Variants in LTBP3 observed in about 807,000 individuals in gnomAD.
The protein encoded by LTBP3 is latent-transforming growth factor beta-binding protein 3.
LTBP3 carries 97 observed loss-of-function variants against 159.7 expected under a neutral mutation model. The ratio of observed to expected loss-of-function variants is 0.61; its 90% CI spans 0.52 to 0.72. The LOEUF (loss-of-function observed/expected upper bound fraction) is 0.72, where lower values mean the gene tolerates loss of function less well. LTBP3 is among the 30% of genes least tolerant of loss of function. LTBP3 has a pLI of 0.00. For missense variants in LTBP3, 1,584 were observed against 1,864.3 expected (o/e 0.85, Z 2.77); for synonymous variants, 824 against 777.1 (o/e 1.06, Z -1.00).
rs1188496853 is a variant in LTBP3, at chr11:65,547,062, T to TA, written c.2108-143dup. ...CCTCTGAGAGGCCCAGAGCCGAGCA[T>TA]ACAGGCCGGGTGCGGTGGCACACGG... On this transcript the variant is annotated intron_variant, in intron 14 of 27. Coordinates refer to ENST00000301873, the MANE Select transcript of LTBP3 (RefSeq NM_001130144.3). This position sits in a 1 kb window ranked among gnomAD's most constrained non-coding sequence, Gnocchi z 4.6. 6.4e-6 allele frequency: 8 copies of TA among 1,258,450 alleles called. No homozygotes were observed. Among genetic ancestry groups the TA allele is most frequent in the Non-Finnish European group, 8.7e-6 (8 of 914,690 alleles). The allele number at this position is 1,258,450 out of a possible 1,614,324, so 78.0% of individuals were successfully genotyped here. A position where few individuals can be genotyped will look rare whatever the true frequency, so the allele number is the denominator to read the frequency against.
Position 65,552,349 on chromosome 11 carries a change from C to T in LTBP3, c.1244G>A (p.Cys415Tyr). The change falls in exon 7 of 28, where the codon TGC becomes TAC. Residue 415 changes from cysteine (C) to tyrosine (Y), a missense_variant. Physicochemically the swap from Cys to Tyr is radical, Grantham distance 194 (BLOSUM62 -2). Around this residue, in one of 6 missense-constraint regions of LTBP3, gnomAD observed 156 missense variants for 259.7 expected, o/e 0.60. Transcript: ENST00000301873. This position sits in a 1 kb window ranked among gnomAD's most constrained non-coding sequence, Gnocchi z 6.0. The part of the protein sequence containing the change: ...CFRLVSPEHQ[C>Y]QHPLTTRLTR... ...CAGGCGGGTGGTCAGTGGGTGCTGG[C>T]ACTGGTGCTCAGGGCTCACCAGGCG... The T allele has an allele frequency of 6.2e-7, 1 of 1,614,026 alleles. No individual in the cohort carries two copies. Among genetic ancestry groups the T allele is most frequent in the Non-Finnish European group, 8.5e-7 (1 of 1,179,992 alleles).
Position 65,546,643 on chromosome 11 carries a change from C to A in LTBP3, c.2231-79G>T. The A allele has an allele frequency of 6.3e-7, 1 of 1,586,844 alleles. No individual in the cohort carries two copies. Among genetic ancestry groups the A allele is most frequent in the Non-Finnish European group, 8.5e-7 (1 of 1,174,612 alleles). ...CACCTCGCGGGGGTGTGGGTCTCTT[C>A]CCTGGAACGCGGGGTTGAGAGGGCA... On this transcript the variant is annotated intron_variant, in intron 15 of 27. Coordinates refer to ENST00000301873, the MANE Select transcript of LTBP3 (RefSeq NM_001130144.3). This position sits in a 1 kb window ranked among gnomAD's most constrained non-coding sequence, Gnocchi z 4.0.
rs1335908921 is a variant in LTBP3, at chr11:65,540,068, C to A, written c.3330G>T (p.Pro1110=). ...GGCCGGAGGGCCCGGGCACCCAGGG[C>A]GGGCGACACTCGCAGCGGTAGGAGC... ...LPGSYRCECR[P]PWVPGPSGRD... is the part of the protein sequence containing the mutation. Residue 1110 remains proline (P), a synonymous_variant, in exon 24 of 28, where the codon CCG becomes CCT. Coordinates refer to ENST00000301873, the MANE Select transcript of LTBP3 (RefSeq NM_001130144.3). 1.3e-6 allele frequency: 2 copies of A among 1,524,272 alleles called. No individual in the cohort carries two copies. The highest frequency in any genetic ancestry group is 2.8e-5 in the African/African-American group (2 of 71,822). 94.4% of individuals were successfully genotyped at this position (1,524,272 alleles called of 1,614,324 possible). A position where few individuals can be genotyped will look rare whatever the true frequency, so the allele number is the denominator to read the frequency against.
At position 65,554,480 on chromosome 11, in the gene LTBP3, A is replaced by G. The variant is rs1856735285; in HGVS notation, c.332-100T>C. On this transcript the variant is annotated intron_variant, in intron 1 of 27. Coordinates refer to ENST00000301873, the MANE Select transcript of LTBP3 (RefSeq NM_001130144.3). This position sits in a 1 kb window ranked among gnomAD's most constrained non-coding sequence, Gnocchi z 5.3. ...ACTGGCTCTGTCCTCTTGGGAAGCC[A>G]GGTTTTGAGATACATCCTACATAGG... 1.1e-6 allele frequency: 1 copy of G among 922,360 alleles called. No homozygotes were observed. Among genetic ancestry groups the G allele is most frequent in the Admixed American group, 2.5e-5 (1 of 40,126 alleles). The allele number at this position is 922,360 out of a possible 1,614,324, so 57.1% of individuals were successfully genotyped here. A position where few individuals can be genotyped will look rare whatever the true frequency, so the allele number is the denominator to read the frequency against.
At position 65,547,491 on chromosome 11, in the gene LTBP3, G is replaced by C. The variant is rs1208038518; in HGVS notation, c.2055C>G (p.Cys685Trp). 2 of 1,614,024 alleles carry C rather than the reference G, an allele frequency of 1.2e-6. No homozygotes were observed. The highest frequency in any genetic ancestry group is 1.7e-6 in the Non-Finnish European group (2 of 1,180,012). ...FCINFPGHYK[C>W]NCYPGYRLKA... ...TGAGCCGGTAGCCGGGGTAGCAGTT[G>C]CACTTGTAGTGACCGGGAAAGTTGA... The change falls in exon 14 of 28, where the codon TGC becomes TGG. Residue 685 changes from cysteine to tryptophan, a missense_variant. Coordinates refer to ENST00000301873, the MANE Select transcript of LTBP3 (RefSeq NM_001130144.3). The surrounding 1 kb of genome is among the most constrained non-coding windows in gnomAD (Gnocchi z 4.6).
In LTBP3 at chr11:65,551,993, C is replaced by T. The variant is rs1446463644; in HGVS notation, c.1510G>A (p.Glu504Lys). 2 of 1,614,046 alleles carry T rather than the reference C, an allele frequency of 1.2e-6. No homozygotes were observed. Among genetic ancestry groups the T allele is most frequent in the East Asian group, 2.2e-5 (1 of 44,872 alleles). ...PESPSQAPPPEDTEEERGVTT... is the reference protein window; with the variant it reads ...PESPSQAPPPKDTEEERGVTT... ...AGACCTCTCTCTTCCTCTGTGTCCT[C>T]AGGTGGTGGAGCCTGGCTAGGGCTC... Residue 504 changes from glutamate to lysine, a missense_variant, in exon 8 of 28, where the codon GAG (glutamate) becomes AAG (lysine). By Grantham distance (56) the Glu-to-Lys change is moderately conservative (BLOSUM62 1). Coordinates refer to ENST00000301873, the MANE Select transcript of LTBP3 (RefSeq NM_001130144.3).
intron 10 of LTBP3, 47 bp from the exon 11 acceptor site, chr11:65,551,271 C>T (rs1486528211): frequency 6.6e-7 from 1 of 1,524,902 alleles, no homozygotes; most frequent in East Asian, 2.4e-5. Context: ...TGACTGAAGC[C>T]TCCCTTTCCA....
Position 65,540,079 on chromosome 11 carries a change from C to G in LTBP3, c.3319G>C (p.Glu1107Gln). 1 of 1,525,282 alleles carries G rather than the reference C, an allele frequency of 6.6e-7. No individual in the cohort carries two copies. Among genetic ancestry groups the G allele is most frequent in the Non-Finnish European group, 8.8e-7 (1 of 1,141,550 alleles). The allele number at this position is 1,525,282 out of a possible 1,614,324, so 94.5% of individuals were successfully genotyped here. The stretch of plus-strand genomic sequence containing the variant: ...CCGGGCACCCAGGGCGGGCGACACT[C>G]GCAGCGGTAGGAGCCCGGCAGGTTG... ...CVNLPGSYRC[E>Q]CRPPWVPGPS... Residue 1107 changes from glutamate to glutamine, a missense_variant, in exon 24 of 28, where the codon GAG becomes CAG. Coordinates refer to ENST00000301873, the MANE Select transcript of LTBP3 (RefSeq NM_001130144.3).
intron 1 of LTBP3, among the ~76,000 whole-genome samples, chr11:65,555,054 C>G (rs1856760200): frequency 6.6e-6 from 1 of 152,026 alleles, no homozygotes; most frequent in Non-Finnish European, 1.5e-5. Flanking sequence ...CACCAGGCAT[C>G]CACAGCTGAG....
intron 21 of LTBP3, 65 bp downstream of exon 21, chr11:65,540,806 G>C (rs1003105861): frequency 6.5e-7 from 1 of 1,539,422 alleles, no homozygotes; most frequent in Non-Finnish European, 8.8e-7. Context: ...GAGTCCCGGC[G>C]GGATCCGGGC....
Position 65,557,779 on chromosome 11 carries a change from G to T in LTBP3, c.181C>A (p.Arg61Ser). ...ACCGGCGCAAAGACCACCTTGAAGC[G>T]CTCGCGGGCCAGCGCCCCGCCCCCG... The part of the protein sequence containing the change: ...AGGGGALARE[R>S]FKVVFAPVIC... The change falls in exon 1 of 28, where the codon CGC becomes AGC. Residue 61 changes from arginine (R) to serine (S), a missense_variant. Around this residue, in one of 6 missense-constraint regions of LTBP3, gnomAD observed 76 missense variants for 133.3 expected, o/e 0.57. Transcript: ENST00000301873. 6.3e-7 allele frequency: 1 copy of T among 1,595,352 alleles called. No individual in the cohort carries two copies. The highest frequency in any genetic ancestry group is 1.1e-5 in the South Asian group (1 of 90,362).
Position 65,553,438 on chromosome 11 carries a change from A to G in LTBP3, c.957T>C (p.Cys319=). ...TAWGQSKCHK[C]PQLQYTGVQK... is the part of the protein sequence containing the mutation. ...CCAAGCACTCACACTGCAGCTGGGGACACTTGTGGCACTTGCTCTGGCCCC... is the reference window on the plus strand; with the variant it reads ...CCAAGCACTCACACTGCAGCTGGGGGCACTTGTGGCACTTGCTCTGGCCCC... The change falls in exon 4 of 28, where the codon TGT becomes TGC. Residue 319 remains cysteine, a synonymous_variant. Transcript: ENST00000301873. This position sits in a 1 kb window ranked among gnomAD's most constrained non-coding sequence, Gnocchi z 6.5. 1 of 1,612,072 alleles carries G rather than the reference A, an allele frequency of 6.2e-7. No individual in the cohort carries two copies. The highest frequency in any genetic ancestry group is 8.5e-7 in the Non-Finnish European group (1 of 1,179,816).
At position 65,546,818 on chromosome 11, in the gene LTBP3, T is replaced by C. The variant is rs764038242; in HGVS notation, c.2210A>G (p.Gln737Arg). 3.8e-6 allele frequency: 6 copies of C among 1,579,680 alleles called. No homozygotes were observed. Among genetic ancestry groups the C allele is most frequent in the East Asian group, 2.3e-5 (1 of 43,174 alleles). Reference protein sequence around the residue: ...CIACQPGYRSQGGGACRDVNE... With the variant: ...CIACQPGYRSRGGGACRDVNE... ...CTCACCGCGACAGGCCCCGCCCCCCTGGCTGCGGTAGCCAGGCTGACAGGC... is the reference window on the plus strand; with the variant it reads ...CTCACCGCGACAGGCCCCGCCCCCCCGGCTGCGGTAGCCAGGCTGACAGGC... Residue 737 changes from glutamine (Q) to arginine (R), a missense_variant, in exon 15 of 28, where the codon CAG becomes CGG. Gln to Arg is a conservative substitution (Grantham distance 43). Transcript: ENST00000301873. This position sits in a 1 kb window ranked among gnomAD's most constrained non-coding sequence, Gnocchi z 4.0.
intron 1 of LTBP3, among the ~76,000 whole-genome samples, chr11:65,555,020 C>T (rs956197028): frequency 2.6e-5 from 4 of 152,074 alleles, no homozygotes; most frequent in African/African-American, 9.7e-5. Flanking sequence ...AGCATCCTGC[C>T]TCCCCACCTC....
Position 65,546,588 on chromosome 11 carries a change from G to C in LTBP3, c.2231-24C>G, listed in dbSNP as rs1255024186. 5 of 1,600,286 alleles carry C rather than the reference G, an allele frequency of 3.1e-6. No individual in the cohort carries two copies. In the South Asian group the frequency reaches 4.4e-5, roughly 14 times the overall value. On this transcript the variant is annotated intron_variant, in intron 15 of 27. Transcript: ENST00000301873. This position sits in a 1 kb window ranked among gnomAD's most constrained non-coding sequence, Gnocchi z 4.0. ...GTCTGCGGCGGAAAGACCTAGCCTC[G>C]GACTCTGCCCCACCGGAAGGCGGAC...
In LTBP3 at chr11:65,547,606, G is replaced by A. The variant is rs1590773698; in HGVS notation, c.1979-39C>T. The A allele has an allele frequency of 6.2e-7, 1 of 1,611,556 alleles. No homozygotes were observed. On this transcript the variant is annotated intron_variant, in intron 13 of 27. Coordinates refer to ENST00000301873, the MANE Select transcript of LTBP3 (RefSeq NM_001130144.3). The surrounding 1 kb of genome is among the most constrained non-coding windows in gnomAD (Gnocchi z 4.6). ...AGGGGCCACGAAGGGGGTGTAGGAG[G>A]CGGCGGGCAAGGGGAGGGATTACAC...
At chr11:65,545,866 A>G (rs1856341795) in intron 16 of LTBP3, 1 of 186,960 alleles carries the variant, frequency 5.3e-6, no homozygotes, top group African/African-American at 2.3e-5. Flanking sequence ...CAGCCCCCAT[A>G]GCCTGATCAT....
intron 1 of LTBP3, 98 bp downstream of exon 1, chr11:65,557,531 C>T: frequency 1.3e-6 from 2 of 1,547,962 alleles, no homozygotes; most frequent in South Asian, 2.2e-5. Flanking sequence ...CCCTTTATAC[C>T]CTCAGCCCCC....
chr11:65,541,648 C>A lies in LTBP3; in HGVS notation c.2677G>T (p.Val893Phe). The part of the protein sequence containing the change: ...CKNLQGSYVC[V>F]CDEGFTPTQD... The stretch of plus-strand genomic sequence containing the variant: ...GTGGGAGTGAAGCCCTCATCGCAGA[C>A]ACACACATAGGAGCCCTGAAGGTTC... The change falls in exon 19 of 28, where the codon GTC becomes TTC. Residue 893 changes from valine to phenylalanine, a missense_variant. Around this residue, in one of 6 missense-constraint regions of LTBP3, gnomAD observed 565 missense variants for 677.7 expected, o/e 0.83. Transcript: ENST00000301873. 2 of 1,614,156 alleles carry A rather than the reference C, an allele frequency of 1.2e-6. No individual in the cohort carries two copies. Among genetic ancestry groups the A allele is most frequent in the Non-Finnish European group, 1.7e-6 (2 of 1,180,012 alleles).
Sources: allele counts gnomAD v4.1 joint callset (sites outside exome capture counted in the v4.1 genomes callset), GRCh38; gene constraint gnomAD v4.1.1; regional missense constraint gnomAD v4.1.1; non-coding constraint Gnocchi (gnomAD v3.1); transcripts MANE v1.5; gene names NCBI Gene and HGNC (gene_info 2026-07-23, HGNC 2026-07-21).